Variants in PRDM12 observed in about 807,000 individuals in gnomAD.
PRDM12 encodes the protein PR/SET domain 12.
A neutral mutation model predicts 29.6 loss-of-function variants in PRDM12; 17 were observed. The observed-to-expected ratio is 0.57, with a 90% CI of 0.39 to 0.86. PRDM12 has a LOEUF of 0.86. Ranked by LOEUF, PRDM12 falls within the 40% of genes least tolerant of loss-of-function variation. PRDM12 has a pLI of 0.00. For missense variants in PRDM12, 422 were observed against 510.8 expected (o/e 0.83, Z 1.68); for synonymous variants, 231 against 225.8 (o/e 1.02, Z -0.21).
At chr9:130,674,329 A>G (rs1180704393) in intron 3 of PRDM12, among the ~76,000 whole-genome samples, 2 of 151,830 alleles carry the variant, frequency 1.3e-5, no homozygotes, top group East Asian at 1.9e-4. Context: ...TTGTATTTTT[A>G]GTAGAAACAG....
intron 3 of PRDM12, among the ~76,000 whole-genome samples, chr9:130,671,958 T>C (rs78541088): frequency 1.7e-3 from 261 of 152,298 alleles, no homozygotes; most frequent in African/African-American, 6.1e-3. Flanking sequence ...AAATACAGAA[T>C]AGCAGCCTTC....
chr9:130,678,040 G>C (rs1483705832), intron 3 of PRDM12, among the ~76,000 whole-genome samples: 1 of 152,106 alleles, frequency 6.6e-6, no homozygotes, highest in Non-Finnish European at 1.5e-5. Flanking sequence ...TGTGATGTGG[G>C]ATGCCTATGG....
chr9:130,678,029 C>G (rs1830859333), intron 3 of PRDM12, among the ~76,000 whole-genome samples: 1 of 152,068 alleles, frequency 6.6e-6, no homozygotes, highest in African/African-American at 2.4e-5. Flanking sequence ...CGGGAAGTAC[C>G]TGTGATGTGG....
intron 3 of PRDM12, among the ~76,000 whole-genome samples, chr9:130,672,975 T>TTGTCAAAAGGGC (rs1380477129): frequency 6.6e-6 from 1 of 152,210 alleles, no homozygotes; most frequent in East Asian, 1.9e-4. Flanking sequence ...ACAGGGCATG[T>TTGTCAAAAGGGC]CCATTTGTCA....
Position 130,678,626 on chromosome 9 carries a change from A to T in PRDM12, c.668A>T (p.Lys223Ile). ...PGVPGLEEDQ[K>I]KNKHEDFHPA... ...GTGCCCGGGCTAGAGGAGGACCAGAAAAAGAACAAGCATGGTAGGTGTTCC... is the reference window on the plus strand; with the variant it reads ...GTGCCCGGGCTAGAGGAGGACCAGATAAAGAACAAGCATGGTAGGTGTTCC... Residue 223 changes from lysine to isoleucine, a missense_variant, in exon 4 of 5, where the codon AAA becomes ATA. Around this residue, in one of 5 missense-constraint regions of PRDM12, gnomAD observed 300 missense variants for 350.0 expected, o/e 0.86. Transcript: ENST00000253008. 1 of 1,610,246 alleles carries T rather than the reference A, an allele frequency of 6.2e-7. No individual in the cohort carries two copies. The highest frequency in any genetic ancestry group is 1.1e-5 in the South Asian group (1 of 90,948).
rs1466884413 is a variant in PRDM12, at chr9:130,664,785, G to A, written c.132G>A (p.Val44=). ...TCCTGTACGGCCGCTGGCGCAACGT[G>A]CTCGGGGAGCAGCTCTTCGAGGACA... ...HSFLYGRWRN[V]LGEQLFEDKS... Residue 44 remains valine, a synonymous_variant, in exon 1 of 5, where the codon GTG becomes GTA. Coordinates refer to ENST00000253008, the MANE Select transcript of PRDM12 (RefSeq NM_021619.3). This position sits in a 1 kb window ranked among gnomAD's most constrained non-coding sequence, Gnocchi z 6.4. 6.2e-7 allele frequency: 1 copy of A among 1,601,106 alleles called. No homozygotes were observed. The highest frequency in any genetic ancestry group is 1.3e-5 in the African/African-American group (1 of 74,850).
intron 4 of PRDM12, among the ~76,000 whole-genome samples, chr9:130,679,178 G>A (rs1830870415): frequency 6.6e-6 from 1 of 152,184 alleles, no homozygotes. Flanking sequence ...CTGTGCCTGT[G>A]TGTGTGTCAG....
intron 3 of PRDM12, among the ~76,000 whole-genome samples, chr9:130,677,514 G>C (rs1588188378): frequency 6.6e-6 from 1 of 152,222 alleles, no homozygotes; most frequent in East Asian, 1.9e-4. Flanking sequence ...GGGGGTGTCT[G>C]GGTTTCTCTG....
chr9:130,667,403 T>C (rs897852180), intron 2 of PRDM12, among the ~76,000 whole-genome samples: 1 of 152,180 alleles, frequency 6.6e-6, no homozygotes, highest in South Asian at 2.1e-4. Context: ...TTTCCACCCA[T>C]CACAGTGCCA....
chr9:130,665,720 C>T (rs1830726825), intron 1 of PRDM12, among the ~76,000 whole-genome samples: 1 of 152,222 alleles, frequency 6.6e-6, no homozygotes, highest in African/African-American at 2.4e-5. Flanking sequence ...ATCACTTTAA[C>T]AGCGTGACAA....
chr9:130,681,439 C>T lies in PRDM12; in HGVS notation c.874C>T (p.Leu292=). The change falls in exon 5 of 5, where the codon CTG becomes TTG. Residue 292 remains leucine (L), a synonymous_variant. Transcript: ENST00000253008. This position sits in a 1 kb window ranked among gnomAD's most constrained non-coding sequence, Gnocchi z 8.1. The stretch of plus-strand genomic sequence containing the variant: ...GTCCACGCTGCGCAACCACGTGCGC[C>T]TGCACACGGGCGAGCGCCCCTACAA... ...QSSTLRNHVR[L]HTGERPYKCQ... The T allele has an allele frequency of 1.9e-6, 3 of 1,595,500 alleles. No homozygotes were observed. Among genetic ancestry groups the T allele is most frequent in the Admixed American group, 1.7e-5 (1 of 59,346 alleles).
chr9:130,681,544 A>C lies in PRDM12; in HGVS notation c.979A>C (p.Ser327Arg). 7.9e-7 allele frequency: 1 copy of C among 1,270,136 alleles called. No homozygotes were observed. Among genetic ancestry groups the C allele is most frequent in the Non-Finnish European group, 9.9e-7 (1 of 1,005,892 alleles). 78.7% of individuals were successfully genotyped at this position (1,270,136 alleles called of 1,614,324 possible). ...GAAGAGCGCGCGGCACCGGCCGCCC[A>C]GCACCGCGCTGCAGGCACACTCGCC... is the stretch of plus-strand genomic sequence containing the variant. ...HQKSARHRPP[S>R]TALQAHSPAL... Residue 327 changes from serine (S) to arginine (R), a missense_variant, in exon 5 of 5, where the codon AGC becomes CGC. Transcript: ENST00000253008. The surrounding 1 kb of genome is among the most constrained non-coding windows in gnomAD (Gnocchi z 8.1).
In PRDM12 at chr9:130,681,718, C is replaced by A. The variant is rs193264540; in HGVS notation, c.*49C>A. ...CCCGCGCGCTCCTGGGTCCCCGGCA[C>A]CCCGGCCCCGCAGCGCGACTCGCCC... On this transcript the variant is annotated 3_prime_UTR_variant, in exon 5 of 5. Transcript: ENST00000253008. The surrounding 1 kb of genome is among the most constrained non-coding windows in gnomAD (Gnocchi z 8.1). 1.0e-6 allele frequency: 1 copy of A among 979,676 alleles called. No individual in the cohort carries two copies. Among genetic ancestry groups the A allele is most frequent in the Non-Finnish European group, 1.2e-6 (1 of 826,414 alleles). The allele number at this position is 979,676 out of a possible 1,614,324, so 60.7% of individuals were successfully genotyped here.
Position 130,671,940 on chromosome 9 carries a change from CT to C in PRDM12, c.570+3630del, listed in dbSNP as rs549556120. 7.9e-5 allele frequency among the ~76,000 whole-genome samples: 12 copies of C among 152,358 alleles called. No individual in the cohort carries two copies. The East Asian group carries it at 2.3e-3, about 29-fold the overall frequency. ...AGAATATACTATTGCTGCTCTAAAACTTTCCATAAATACAGAATAGCAGCCT... is the reference window on the plus strand; with the variant it reads ...AGAATATACTATTGCTGCTCTAAAACTTCCATAAATACAGAATAGCAGCCT... On this transcript the variant is annotated intron_variant, in intron 3 of 4. Coordinates refer to ENST00000253008, the MANE Select transcript of PRDM12 (RefSeq NM_021619.3).
intron 3 of PRDM12, among the ~76,000 whole-genome samples, chr9:130,674,266 G>GC (rs1207087923): frequency 6.6e-6 from 1 of 151,722 alleles, no homozygotes; most frequent in Non-Finnish European, 1.5e-5. Context: ...GCCCACCTCG[G>GC]CCCCCCAAAG....
chr9:130,670,628 C>A (rs1296578475), intron 3 of PRDM12, among the ~76,000 whole-genome samples: 1 of 152,144 alleles, frequency 6.6e-6, no homozygotes, highest in Non-Finnish European at 1.5e-5. Context: ...GTAGCTGAAC[C>A]CCACATATAA....
At chr9:130,673,202 C>A (rs10120700) in intron 3 of PRDM12, among the ~76,000 whole-genome samples, 96,171 of 152,102 alleles carry the variant, frequency 0.63, 31,027 homozygotes, top group East Asian at 0.99. Context: ...AGAGTGCTGC[C>A]GAGGGGGCCT....
At chr9:130,669,412 A>G (rs1277706600) in intron 3 of PRDM12, among the ~76,000 whole-genome samples, 1 of 151,968 alleles carries the variant, frequency 6.6e-6, no homozygotes, top group African/African-American at 2.4e-5. Flanking sequence ...AATCTCAGCT[A>G]CTCAGGAGGC....
In PRDM12 at chr9:130,681,759, C is replaced by G. The variant is rs1238635502; in HGVS notation, c.*90C>G. ...CGACTCGCCCTCCAGCCCCAACCCC[C>G]GGCCCGGCGCCGCCGCGGAGCCCCG... On this transcript the variant is annotated 3_prime_UTR_variant, in exon 5 of 5. Transcript: ENST00000253008. This position sits in a 1 kb window ranked among gnomAD's most constrained non-coding sequence, Gnocchi z 8.1. 139 of 957,066 alleles carry G rather than the reference C, an allele frequency of 1.5e-4. No homozygotes were observed. The highest frequency in any genetic ancestry group is 1.7e-4 in the Non-Finnish European group (137 of 804,622). The allele number at this position is 957,066 out of a possible 1,614,324, so 59.3% of individuals were successfully genotyped here.
Sources: gnomAD v4.1 joint callset for allele counts (sites outside exome capture counted in the v4.1 genomes callset) on GRCh38, gnomAD v4.1.1 for gene constraint, gnomAD v4.1.1 regional missense constraint, Gnocchi (gnomAD v3.1) non-coding constraint, MANE v1.5 for transcripts, NCBI Gene and HGNC (gene_info 2026-07-23, HGNC 2026-07-21) for gene names.